NRG3: variants seen among roughly 807,000 people sequenced by gnomAD.
NRG3 encodes pro-neuregulin-3, membrane-bound isoform.
Under a neutral mutation model 66.9 loss-of-function variants are expected in NRG3, and 31 were observed. The ratio of observed to expected loss-of-function variants is 0.46; its 90% CI spans 0.35 to 0.63. The LOEUF (loss-of-function observed/expected upper bound fraction) is 0.63. Among genes scored for constraint, NRG3 ranks in the 20% least tolerant of loss-of-function variants. The pLI, the probability that NRG3 is intolerant of heterozygous loss-of-function variation, is 0.00. For synonymous variants in NRG3, 393 were observed against 359.4 expected, an observed-to-expected ratio of 1.09 and a Z score of -1.06; for missense variants, 910 against 878.9, an observed-to-expected ratio of 1.04 and a Z score of -0.45.
chr10:82,018,381 T>C (rs2061890253), intron 1 of NRG3, among the ~76,000 whole-genome samples: 1 of 152,196 alleles, frequency 6.6e-6, no homozygotes, highest in Non-Finnish European at 1.5e-5. Flanking sequence ...TGCCTCCAGC[T>C]TTGTTCTTTT....
Position 82,672,023 on chromosome 10 carries a change from A to G in NRG3, c.954-66554A>G, listed in dbSNP as rs544030132. 7.2e-5 allele frequency among the ~76,000 whole-genome samples: 11 copies of G among 152,198 alleles called. No homozygotes were observed. In the East Asian group the frequency reaches 1.7e-3, roughly 24 times the overall value. ...GCCTGAACTCTTCTGTTTTCTTTCT[A>G]GGTTTTATCCTTACTGATCTCTAAT... On this transcript the variant is annotated intron_variant, in intron 2 of 8. Coordinates refer to ENST00000372141, the MANE Select transcript of NRG3 (RefSeq NM_001010848.4).
At chr10:82,497,528 G>C (rs1273608913) in intron 2 of NRG3, among the ~76,000 whole-genome samples, 1 of 151,980 alleles carries the variant, frequency 6.6e-6, no homozygotes, top group African/African-American at 2.4e-5. Flanking sequence ...CATCCATATT[G>C]TTACAAATGG....
chr10:82,137,765 G>T (rs1157049532), intron 1 of NRG3, among the ~76,000 whole-genome samples: 7 of 152,208 alleles, frequency 4.6e-5, no homozygotes, highest in African/African-American at 1.7e-4. Context: ...CTGAGGCTCT[G>T]CTGAGCACTG....
At chr10:82,377,435 C>CGTGT (rs200662785) in intron 2 of NRG3, among the ~76,000 whole-genome samples, 23 of 132,330 alleles carry the variant, frequency 1.7e-4, no homozygotes, top group Non-Finnish European at 2.1e-4. Flanking sequence ...TGTGTGTGCG[C>CGTGT]GTGTGTGTGT....
At chr10:82,094,472 C>A (rs938908254) in intron 1 of NRG3, among the ~76,000 whole-genome samples, 2 of 152,182 alleles carry the variant, frequency 1.3e-5, no homozygotes, top group Non-Finnish European at 2.9e-5. Context: ...ACCTTTTGAT[C>A]TAGCAGTTCC....
chr10:82,213,370 A>G (rs952443377), intron 1 of NRG3, among the ~76,000 whole-genome samples: 1 of 152,184 alleles, frequency 6.6e-6, no homozygotes, highest in Non-Finnish European at 1.5e-5. Context: ...TAGTCAAAAC[A>G]CAGTCAAAAC....
rs867059509 is a variant in NRG3, at chr10:82,749,283, C to T, written c.1027+10633C>T. 2.0e-5 allele frequency among the ~76,000 whole-genome samples: 3 copies of T among 151,868 alleles called. No homozygotes were observed. The South Asian group carries it at 6.2e-4, about 32-fold the overall frequency. ...CTCCACTCTGCTCATAGCATGACTC[C>T]CCAGAGAGAAAATCCTAGCAGTGTC... is the stretch of plus-strand genomic sequence containing the variant. On this transcript the variant is annotated intron_variant, in intron 3 of 8. Transcript: ENST00000372141.
intron 3 of NRG3, among the ~76,000 whole-genome samples, chr10:82,784,844 C>G (rs2060276931): frequency 6.6e-6 from 1 of 152,142 alleles, no homozygotes; most frequent in African/African-American, 2.4e-5. Flanking sequence ...ACCCAGCCAT[C>G]CCATTACTGG....
chr10:82,485,246 A>G (rs1590302630), intron 2 of NRG3, among the ~76,000 whole-genome samples: 3 of 152,180 alleles, frequency 2.0e-5, no homozygotes, highest in Middle Eastern at 6.8e-3. Context: ...CAATGCCCTG[A>G]CTGAATTCAA....
intron 2 of NRG3, among the ~76,000 whole-genome samples, chr10:82,544,581 CT>C (rs975656531): frequency 3.3e-5 from 5 of 152,092 alleles, no homozygotes; most frequent in African/African-American, 1.2e-4. Flanking sequence ...CTTCTTTACC[CT>C]GAAAGGAAAT....
chr10:82,139,436 T>C (rs915425907), intron 1 of NRG3, among the ~76,000 whole-genome samples: 21 of 152,210 alleles, frequency 1.4e-4, no homozygotes, highest in Admixed American at 1.3e-3. Flanking sequence ...AATTTCCTTA[T>C]ACTTGATGTA....
chr10:82,595,638 A>G lies in NRG3; in HGVS notation c.954-142939A>G, dbSNP rs559929840. On this transcript the variant is annotated intron_variant, in intron 2 of 8. Transcript: ENST00000372141. ...GTCTCTACTAAAATACAAAAAGATT[A>G]GCCAGGCACGGTGGTGGGCGCCTGT... Among the ~76,000 whole-genome samples, 5 of 152,226 alleles carry G rather than the reference A, an allele frequency of 3.3e-5. No individual in the cohort carries two copies. The South Asian group carries it at 1.0e-3, about 32-fold the overall frequency.
chr10:82,286,439 GC>G (rs1286245510), intron 1 of NRG3, among the ~76,000 whole-genome samples: 3 of 152,124 alleles, frequency 2.0e-5, no homozygotes, highest in African/African-American at 7.2e-5. Context: ...ATCATTGAAT[GC>G]AAAGGGCAGA....
At chr10:82,511,787 T>C (rs1845189400) in intron 2 of NRG3, among the ~76,000 whole-genome samples, 1 of 152,046 alleles carries the variant, frequency 6.6e-6, no homozygotes, top group East Asian at 1.9e-4. Context: ...AAGAGTGTGA[T>C]GAATAGATCA....
At chr10:82,700,953 C>T (rs1482761379) in intron 2 of NRG3, among the ~76,000 whole-genome samples, 4 of 152,022 alleles carry the variant, frequency 2.6e-5, no homozygotes, top group Non-Finnish European at 5.9e-5. Context: ...ATATTGCCTT[C>T]TGAGCCTGAA....
intron 1 of NRG3, among the ~76,000 whole-genome samples, chr10:81,961,570 T>C (rs1451159775): frequency 3.3e-5 from 5 of 152,246 alleles, no homozygotes; most frequent in Non-Finnish European, 7.3e-5. Context: ...TCTAGAATCA[T>C]ACAGTGTAAA....
intron 2 of NRG3, among the ~76,000 whole-genome samples, chr10:82,364,087 C>A (rs2084366166): frequency 6.6e-6 from 1 of 152,082 alleles, no homozygotes; most frequent in African/African-American, 2.4e-5. Flanking sequence ...ACATATATTT[C>A]ATTTATGTAA....
chr10:81,895,139 G>C (rs2132597769), intron 1 of NRG3, among the ~76,000 whole-genome samples: 1 of 152,216 alleles, frequency 6.6e-6, no homozygotes, highest in Non-Finnish European at 1.5e-5. Context: ...GGCTACACAT[G>C]CCTTTCCCTA....
At chr10:82,795,126 CTT>C (rs2060745289) in intron 3 of NRG3, among the ~76,000 whole-genome samples, 1 of 152,156 alleles carries the variant, frequency 6.6e-6, no homozygotes, top group African/African-American at 2.4e-5. Flanking sequence ...TACTGGATAT[CTT>C]CAAATAAATG....
Sources: gnomAD v4.1 joint callset for allele counts (sites outside exome capture counted in the v4.1 genomes callset) on GRCh38, gnomAD v4.1.1 for gene constraint, MANE v1.5 for transcripts, NCBI Gene and HGNC (gene_info 2026-07-23, HGNC 2026-07-21) for gene names.